C10orf90: variants seen among roughly 807,000 people sequenced by gnomAD.
C10orf90 encodes the protein chromosome 10 open reading frame 90, also known as (E2-independent) E3 ubiquitin-conjugating enzyme FATS.
C10orf90 carries 56 observed loss-of-function variants against 62.5 expected under a neutral mutation model. The ratio of observed to expected loss-of-function variants is 0.90; its 90% CI spans 0.72 to 1.12. The LOEUF is 1.12. Among genes scored for constraint, C10orf90 ranks in the 50% most tolerant of loss-of-function variants. The pLI is 0.00. For synonymous variants in C10orf90, 386 were observed against 340.4 expected, an observed-to-expected ratio of 1.13 and a Z score of -1.47; for missense variants, 970 against 880.4, an observed-to-expected ratio of 1.10 and a Z score of -1.29.
chr10:126,513,975 A>G (rs1272838220), intron 2 of C10orf90, 36 bp from the exon 3 acceptor site: 1 of 1,414,432 alleles, frequency 7.1e-7, no homozygotes, highest in Non-Finnish European at 9.9e-7. Flanking sequence ...ACTTTTTAGT[A>G]TATAAAAGGA....
At chr10:126,471,675 T>A (rs1030990299) in intron 4 of C10orf90, among the ~76,000 whole-genome samples, 4 of 152,188 alleles carry the variant, frequency 2.6e-5, no homozygotes, top group African/African-American at 9.6e-5. Context: ...AGGTACCATG[T>A]GGGCAATTGT....
At chr10:126,487,142 CAA>C (rs1158481155) in intron 4 of C10orf90, among the ~76,000 whole-genome samples, 465 of 29,426 alleles carry the variant, frequency 0.016, 1 homozygote, top group African/African-American at 0.059. Context: ...AAAACTCTGT[CAA>C]AAAAAAAAAA....
intron 4 of C10orf90, among the ~76,000 whole-genome samples, chr10:126,490,649 A>C (rs1861717365): frequency 6.6e-6 from 1 of 152,142 alleles, no homozygotes; most frequent in Non-Finnish European, 1.5e-5. Context: ...GTATTTTATC[A>C]AAATTTAAAA....
intron 2 of C10orf90, among the ~76,000 whole-genome samples, chr10:126,528,986 C>A (rs1403771342): frequency 6.6e-6 from 1 of 152,082 alleles, no homozygotes; most frequent in African/African-American, 2.4e-5. Context: ...AAAGGTAGGT[C>A]ATTGCTACAG....
chr10:126,602,975 G>A (rs1308110016), intron 2 of C10orf90, among the ~76,000 whole-genome samples: 1 of 151,980 alleles, frequency 6.6e-6, no homozygotes, highest in African/African-American at 2.4e-5. Flanking sequence ...AAGGGAGAGA[G>A]AGAGAGAGAC....
At chr10:126,601,989 C>A (rs1048498771) in intron 2 of C10orf90, among the ~76,000 whole-genome samples, 1 of 152,194 alleles carries the variant, frequency 6.6e-6, no homozygotes, top group African/African-American at 2.4e-5. Flanking sequence ...ATGCAAGTAC[C>A]CTACGTTAGG....
At chr10:126,548,400 C>G (rs149545527) in intron 2 of C10orf90, among the ~76,000 whole-genome samples, 1 of 152,180 alleles carries the variant, frequency 6.6e-6, no homozygotes, top group African/African-American at 2.4e-5. Context: ...AAGTCTCTCG[C>G]TCTGTCACCA....
At chr10:126,512,455 A>G (rs1472345479) in intron 3 of C10orf90, among the ~76,000 whole-genome samples, 1 of 151,928 alleles carries the variant, frequency 6.6e-6, no homozygotes, top group African/African-American at 2.4e-5. Flanking sequence ...CCACATAGCC[A>G]CAAACATTGA....
At chr10:126,634,588 AC>A (rs1845912952) in intron 2 of C10orf90, among the ~76,000 whole-genome samples, 2 of 152,170 alleles carry the variant, frequency 1.3e-5, no homozygotes, top group Admixed American at 1.3e-4. Context: ...CGTATTGTAC[AC>A]TTAAAAAAAA....
intron 2 of C10orf90, among the ~76,000 whole-genome samples, chr10:126,607,439 ATT>A (rs1845336952): frequency 6.6e-6 from 1 of 152,216 alleles, no homozygotes; most frequent in Non-Finnish European, 1.5e-5. Context: ...AGGCATGAGT[ATT>A]TGGCAGACAT....
intron 2 of C10orf90, among the ~76,000 whole-genome samples, chr10:126,585,400 A>G (rs12573302): frequency 1.7e-4 from 18 of 107,862 alleles, no homozygotes; most frequent in South Asian, 6.6e-4. Flanking sequence ...AAGAAGGAAG[A>G]AAAGGAGGGA....
rs2133964422 is a variant in C10orf90 at position 126,425,278 on chromosome 10, A to G, written c.*586T>C. The G allele has an allele frequency of 6.6e-6, 1 of 152,496 alleles. No individual in the cohort carries two copies. Among genetic ancestry groups the G allele is most frequent in the Non-Finnish European group, 1.5e-5 (1 of 68,208 alleles). The allele number at this position is 152,496 out of a possible 1,614,324, so 9.4% of individuals were successfully genotyped here. ...GGGCGGGGTGACTGAGGGCCCTCTG[A>G]CTGCTCCAGGTCACAAAGAGATGGG... is the stretch of plus-strand genomic sequence containing the variant. On this transcript the variant is annotated 3_prime_UTR_variant, in exon 10 of 10. Transcript: ENST00000488181.
chr10:126,466,187 C>T (rs561665830), intron 4 of C10orf90, among the ~76,000 whole-genome samples: 4 of 152,154 alleles, frequency 2.6e-5, no homozygotes, highest in Non-Finnish European at 5.9e-5. Flanking sequence ...AGTGGGAATG[C>T]GTCCTAGCCT....
chr10:126,521,389 C>A, intron 2 of C10orf90: 5 of 1,610,102 alleles, frequency 3.1e-6, no homozygotes, highest in Non-Finnish European at 3.4e-6. Flanking sequence ...ATGTATTTGG[C>A]GACATGAAAG....
chr10:126,560,404 G>A (rs1313710845), intron 2 of C10orf90, among the ~76,000 whole-genome samples: 2 of 152,138 alleles, frequency 1.3e-5, no homozygotes, highest in African/African-American at 2.4e-5. Flanking sequence ...ATAAGCTGCC[G>A]ACGCGCACGG....
chr10:126,531,619 C>T (rs1397135300), intron 2 of C10orf90, among the ~76,000 whole-genome samples: 1 of 152,080 alleles, frequency 6.6e-6, no homozygotes, highest in Non-Finnish European at 1.5e-5. Flanking sequence ...ACCTCAAATG[C>T]TTCACAAAAA....
At chr10:126,635,535 A>G (rs1845933980) in intron 2 of C10orf90, among the ~76,000 whole-genome samples, 1 of 152,238 alleles carries the variant, frequency 6.6e-6, no homozygotes, top group Non-Finnish European at 1.5e-5. Flanking sequence ...CTGGGTTAAA[A>G]AGGACCACCA....
intron 4 of C10orf90, among the ~76,000 whole-genome samples, chr10:126,484,830 A>T (rs1861342398): frequency 6.6e-6 from 1 of 152,208 alleles, no homozygotes; most frequent in African/African-American, 2.4e-5. Context: ...CAACATTAGG[A>T]ATATAGTTTA....
chr10:126,537,360 A>G (rs1864264766), intron 2 of C10orf90, among the ~76,000 whole-genome samples: 1 of 152,206 alleles, frequency 6.6e-6, no homozygotes, highest in African/African-American at 2.4e-5. Context: ...GAGACAGTTT[A>G]TGGCCTTCCT....
Sources: gnomAD v4.1 joint callset for allele counts (sites outside exome capture counted in the v4.1 genomes callset) on GRCh38, gnomAD v4.1.1 for gene constraint, MANE v1.5 for transcripts, NCBI Gene and HGNC (gene_info 2026-07-23, HGNC 2026-07-21) for gene names.